FSTL5: variants seen among roughly 807,000 people sequenced by gnomAD.
FSTL5 encodes follistatin like 5.
In FSTL5, 62 loss-of-function variants were observed where a neutral mutation model predicts 89.1. The ratio of observed to expected loss-of-function variants is 0.70; its 90% CI spans 0.57 to 0.86. FSTL5 has a LOEUF of 0.86. FSTL5 is among the 40% of genes least tolerant of loss of function. The pLI, the probability that FSTL5 is intolerant of heterozygous loss-of-function variation, is 0.00. For missense variants in FSTL5, 1,057 were observed against 1,001.6 expected (o/e 1.06, Z -0.75); for synonymous variants, 383 against 346.2 (o/e 1.11, Z -1.18).
At chr4:161,977,428 C>G (rs140157661) in intron 3 of FSTL5, among the ~76,000 whole-genome samples, 3 of 151,248 alleles carry the variant, frequency 2.0e-5, no homozygotes, top group African/African-American at 7.3e-5. Flanking sequence ...CTGCCTAACA[C>G]GATGAAACCC....
At position 161,528,770 on chromosome 4, in the gene FSTL5, G is replaced by A. The variant is rs560785364; in HGVS notation, c.1312+9396C>T. The stretch of plus-strand genomic sequence containing the variant: ...TTAAGAACACAGTTATTTGGTAAAG[G>A]ATTAACTATATTTGAAGCCTTTGGA... On this transcript the variant is annotated intron_variant, in intron 10 of 15. Coordinates refer to ENST00000306100, the MANE Select transcript of FSTL5 (RefSeq NM_020116.5). Among the ~76,000 whole-genome samples the A allele has an allele frequency of 1.8e-4, 26 of 143,126 alleles. 2 individuals are homozygous for A. Among genetic ancestry groups the A allele is most frequent in the Non-Finnish European group, 3.1e-4 (20 of 65,208 alleles). The allele number at this position is 143,126 out of a possible 152,430, so 93.9% of individuals were successfully genotyped here.
rs549757784 is a variant in FSTL5, at chr4:162,099,375, T to C, written c.126+11896A>G. On this transcript the variant is annotated intron_variant, in intron 2 of 15. Transcript: ENST00000306100. ...TAATTTAAATGAATTATTCATAGTT[T>C]GTATTGTTAAAAAAGAATACAAACA... Among the ~76,000 whole-genome samples the C allele has an allele frequency of 1.2e-4, 19 of 152,308 alleles. No homozygotes were observed. The South Asian group carries it at 2.1e-3, about 17-fold the overall frequency.
intron 4 of FSTL5, among the ~76,000 whole-genome samples, chr4:161,822,682 G>A (rs1730528399): frequency 6.6e-6 from 1 of 152,158 alleles, no homozygotes; most frequent in Non-Finnish European, 1.5e-5. Flanking sequence ...TTCTCTCATT[G>A]TCACCCACAG....
chr4:161,459,218 T>C lies in FSTL5; in HGVS notation c.1710A>G (p.Thr570=), dbSNP rs772428488. 1.9e-6 allele frequency: 3 copies of C among 1,554,558 alleles called. No homozygotes were observed. The highest frequency in any genetic ancestry group is 1.1e-5 in the South Asian group (1 of 89,778). ...TATACTGAAATGTACTTACCTGTAG[T>C]GTTGGTGATGTCTTCTCCAAGGTAC... ...SWGTLEKTSP[T]LQVITLASGN... Residue 570 remains threonine, a synonymous_variant, in exon 14 of 16, where the codon ACA becomes ACG. Transcript: ENST00000306100.
chr4:162,063,588 T>C (rs1738790228), intron 2 of FSTL5, among the ~76,000 whole-genome samples: 1 of 151,906 alleles, frequency 6.6e-6, no homozygotes, highest in Admixed American at 6.6e-5. Context: ...TACATTATTA[T>C]ATATGAGAAT....
chr4:162,043,904 G>A (rs1318470066), intron 2 of FSTL5, among the ~76,000 whole-genome samples: 1 of 152,102 alleles, frequency 6.6e-6, no homozygotes, highest in Non-Finnish European at 1.5e-5. Flanking sequence ...CACATTTTCA[G>A]CTTCACTTCT....
intron 3 of FSTL5, among the ~76,000 whole-genome samples, chr4:161,977,791 T>C (rs1735707468): frequency 1.3e-5 from 2 of 151,878 alleles, no homozygotes; most frequent in Non-Finnish European, 2.9e-5. Flanking sequence ...ACTATCCCTT[T>C]ATAATCAGCC....
chr4:161,435,077 T>A (rs773221172), intron 15 of FSTL5, among the ~76,000 whole-genome samples: 1 of 152,048 alleles, frequency 6.6e-6, no homozygotes, highest in Non-Finnish European at 1.5e-5. Flanking sequence ...GCTAGGCATA[T>A]AACCCCCCAA....
intron 15 of FSTL5, among the ~76,000 whole-genome samples, chr4:161,416,074 C>G (rs758076650): frequency 2.9e-4 from 44 of 151,930 alleles, no homozygotes; most frequent in Non-Finnish European, 5.9e-4. Context: ...ATTCATCAAC[C>G]TATATAGATG....
intron 11 of FSTL5, among the ~76,000 whole-genome samples, chr4:161,505,202 C>T (rs10003538): frequency 0.042 from 6,420 of 152,122 alleles, 445 homozygotes; most frequent in African/African-American, 0.15. Flanking sequence ...GAATAGATTG[C>T]GTTGCATTTT....
chr4:162,010,700 T>A (rs1295963358), intron 3 of FSTL5, among the ~76,000 whole-genome samples: 1 of 152,224 alleles, frequency 6.6e-6, no homozygotes, highest in Non-Finnish European at 1.5e-5. Flanking sequence ...CCATAGAAAA[T>A]GTCGCCTCTT....
At chr4:162,114,660 T>C (rs1212767928) in intron 1 of FSTL5, among the ~76,000 whole-genome samples, 1 of 152,140 alleles carries the variant, frequency 6.6e-6, no homozygotes, top group African/African-American at 2.4e-5. Flanking sequence ...CTTATAAAGC[T>C]TCTGTTAGAT....
intron 3 of FSTL5, among the ~76,000 whole-genome samples, chr4:161,937,592 G>A (rs1734466595): frequency 6.6e-6 from 1 of 152,156 alleles, no homozygotes; most frequent in Non-Finnish European, 1.5e-5. Context: ...TGACTTCTCA[G>A]CAGCAACAGG....
At chr4:161,744,613 G>T (rs976927055) in intron 6 of FSTL5, among the ~76,000 whole-genome samples, 8 of 152,054 alleles carry the variant, frequency 5.3e-5, no homozygotes, top group Non-Finnish European at 7.4e-5. Context: ...ACTAGCTAAA[G>T]TCTCTAATAG....
chr4:161,875,873 A>G (rs2163492), intron 4 of FSTL5, among the ~76,000 whole-genome samples: 130,228 of 152,100 alleles, frequency 0.86, 56,928 homozygotes, highest in East Asian at 0.98. Flanking sequence ...CTTTTTTTGT[A>G]CAATCTGTTT....
At chr4:161,595,977 C>T (rs58629289) in intron 7 of FSTL5, among the ~76,000 whole-genome samples, 3,207 of 151,890 alleles carry the variant, frequency 0.021, 79 homozygotes, top group South Asian at 0.14. Context: ...TTTTCAAATT[C>T]TGAGTTTTCT....
At chr4:162,113,451 A>C (rs1197903722) in intron 1 of FSTL5, among the ~76,000 whole-genome samples, 2 of 152,140 alleles carry the variant, frequency 1.3e-5, no homozygotes, top group Non-Finnish European at 2.9e-5. Context: ...CTAGTCTTCC[A>C]CATTTCTATA....
chr4:161,815,394 A>G (rs567512938), intron 4 of FSTL5, among the ~76,000 whole-genome samples: 1 of 152,216 alleles, frequency 6.6e-6, no homozygotes, highest in East Asian at 1.9e-4. Context: ...TTGGAGAGAG[A>G]GAGAGACAAT....
At chr4:161,445,415 T>C (rs1732911743) in intron 15 of FSTL5, among the ~76,000 whole-genome samples, 1 of 151,896 alleles carries the variant, frequency 6.6e-6, no homozygotes, top group African/African-American at 2.4e-5. Flanking sequence ...AGACTTAAAA[T>C]AAAAAATGAA....
Sources: allele counts gnomAD v4.1 joint callset (sites outside exome capture counted in the v4.1 genomes callset), GRCh38; gene constraint gnomAD v4.1.1; transcripts MANE v1.5; gene names NCBI Gene and HGNC (gene_info 2026-07-23, HGNC 2026-07-21).